Variants in GRIK1 observed in about 807,000 individuals in gnomAD.
GRIK1 encodes glutamate ionotropic receptor kainate type subunit 1.
Under a neutral mutation model 105.7 loss-of-function variants are expected in GRIK1, and 69 were observed. The observed-to-expected ratio is 0.65, with a 90% CI of 0.54 to 0.80. The LOEUF (loss-of-function observed/expected upper bound fraction) is 0.80. Among genes scored for constraint, GRIK1 ranks in the 30% least tolerant of loss-of-function variants. GRIK1 has a pLI of 0.00. For missense variants in GRIK1, 1,109 were observed against 1,167.3 expected (o/e 0.95, Z 0.73); for synonymous variants, 438 against 431.3 (o/e 1.02, Z -0.19).
intron 1 of GRIK1, among the ~76,000 whole-genome samples, chr21:29,718,488 C>T (rs1050182637): frequency 3.9e-5 from 6 of 152,118 alleles, no homozygotes; most frequent in African/African-American, 1.4e-4. Context: ...AAGGTATGAA[C>T]CAGATTTGCT....
chr21:29,537,676 C>T (rs2089902047), intron 17 of GRIK1, 122 bp downstream of exon 17: 3 of 770,406 alleles, frequency 3.9e-6, no homozygotes, highest in South Asian at 1.4e-5. Context: ...AGATAACTTA[C>T]CTTTGCTGAG....
chr21:29,833,437 C>A (rs2067697543), intron 1 of GRIK1, among the ~76,000 whole-genome samples: 1 of 152,040 alleles, frequency 6.6e-6, no homozygotes, highest in South Asian at 2.1e-4. Context: ...ACTGGGTAAC[C>A]TATAAAGAAA....
chr21:29,886,088 A>G (rs546559510), intron 1 of GRIK1, among the ~76,000 whole-genome samples: 2 of 152,244 alleles, frequency 1.3e-5, no homozygotes, highest in South Asian at 2.1e-4. Context: ...AAAATGCTCA[A>G]TAAACAAGGC....
intron 1 of GRIK1, among the ~76,000 whole-genome samples, chr21:29,885,584 G>A (rs927217880): frequency 1.3e-5 from 2 of 152,062 alleles, no homozygotes; most frequent in Non-Finnish European, 2.9e-5. Context: ...AAACATTAAT[G>A]AAAAGGTAGA....
rs114536516 is a variant in GRIK1, at chr21:29,640,597, C to T, written c.1098+2229G>A. On this transcript the variant is annotated intron_variant, in intron 7 of 17. Coordinates refer to ENST00000327783, the MANE Select transcript of GRIK1 (RefSeq NM_001330994.2). ...TTCAGTGTGGTCCCTCATCTTGGAG[C>T]TCATTATTTCTTTAAATATGCCTAA... Among the ~76,000 whole-genome samples the T allele has an allele frequency of 3.2e-3, 491 of 152,176 alleles. 4 individuals are homozygous for T. The highest frequency in any genetic ancestry group is 0.011 in the African/African-American group (472 of 41,496).
At chr21:29,731,826 G>A (rs2064633692) in intron 1 of GRIK1, among the ~76,000 whole-genome samples, 1 of 151,912 alleles carries the variant, frequency 6.6e-6, no homozygotes. Flanking sequence ...ATTTCTTTGG[G>A]GCATTGTCCC....
chr21:29,724,841 G>A (rs182316688), intron 1 of GRIK1, among the ~76,000 whole-genome samples: 211 of 152,042 alleles, frequency 1.4e-3, no homozygotes, highest in African/African-American at 4.7e-3. Context: ...TTTTCTTAGC[G>A]TATGTTTTAT....
intron 1 of GRIK1, among the ~76,000 whole-genome samples, chr21:29,781,653 G>GTT (rs2066103707): frequency 1.0e-5 from 1 of 96,184 alleles, no homozygotes; most frequent in African/African-American, 3.7e-5. Flanking sequence ...CTAACCTACT[G>GTT]TTTCTTTTTT....
At chr21:29,560,489 T>C (rs1740684214) in intron 15 of GRIK1, among the ~76,000 whole-genome samples, 1 of 55,522 alleles carries the variant, frequency 1.8e-5, no homozygotes. Context: ...CTCCCTTTCT[T>C]TCTTTCTTTC....
At chr21:29,767,538 T>TA (rs1166013723) in intron 1 of GRIK1, among the ~76,000 whole-genome samples, 1 of 152,030 alleles carries the variant, frequency 6.6e-6, no homozygotes, top group Non-Finnish European at 1.5e-5. Flanking sequence ...AACTGCAATA[T>TA]AAAAATATTC....
intron 1 of GRIK1, among the ~76,000 whole-genome samples, chr21:29,765,714 T>C (rs1360500516): frequency 6.6e-6 from 1 of 152,104 alleles, no homozygotes; most frequent in African/African-American, 2.4e-5. Flanking sequence ...AATCCCTCCC[T>C]CTGACAAATA....
At chr21:29,693,837 G>A (rs2063633376) in intron 2 of GRIK1, 59 bp downstream of exon 2, 13 of 1,277,112 alleles carry the variant, frequency 1.0e-5, no homozygotes, top group Non-Finnish European at 1.5e-5. Context: ...CAAAAAGAAG[G>A]TGACTTGGAG....
At position 29,581,529 on chromosome 21, in the gene GRIK1, T is replaced by C. The variant is rs1385178717; in HGVS notation, c.1808A>G (p.Glu603Gly). The C allele has an allele frequency of 6.3e-7, 1 of 1,591,092 alleles. No homozygotes were observed. Among genetic ancestry groups the C allele is most frequent in the South Asian group, 1.1e-5 (1 of 90,604 alleles). Residue 603 changes from glutamate (E) to glycine (G), a missense_variant, in exon 13 of 18, where the codon GAG becomes GGG. Glu to Gly is a moderately conservative substitution (Grantham distance 98). This residue lies in a region of GRIK1 where 264 missense variants were observed against 306.9 expected (regional missense o/e 0.86). Transcript: ENST00000327783. ...GTTGCATGGGTGGGGGTTATACCAC[T>C]CGTAGGGTGTAAACCTGTGGTAGTT... ...LFVIARFTPY[E>G]WYNPHPCNPD...
chr21:29,764,394 T>G (rs2065606279), intron 1 of GRIK1, among the ~76,000 whole-genome samples: 1 of 152,228 alleles, frequency 6.6e-6, no homozygotes, highest in South Asian at 2.1e-4. Context: ...ATACAGATGC[T>G]GGGACTGTCT....
At chr21:29,644,790 A>G (rs2062584864) in intron 6 of GRIK1, among the ~76,000 whole-genome samples, 1 of 152,246 alleles carries the variant, frequency 6.6e-6, no homozygotes, top group Non-Finnish European at 1.5e-5. Context: ...CTACTGGCAG[A>G]TTGAGACTTT....
At chr21:29,808,570 A>T (rs1241990234) in intron 1 of GRIK1, among the ~76,000 whole-genome samples, 1 of 152,202 alleles carries the variant, frequency 6.6e-6, no homozygotes, top group African/African-American at 2.4e-5. Flanking sequence ...TTTATATTAC[A>T]GATGAATAAG....
chr21:29,613,285 G>T (rs2061770412), intron 7 of GRIK1, among the ~76,000 whole-genome samples: 1 of 152,056 alleles, frequency 6.6e-6, no homozygotes, highest in Admixed American at 6.5e-5. Flanking sequence ...CTTTTATGCT[G>T]CTTGTCAGTG....
intron 8 of GRIK1, 72 bp downstream of exon 8, chr21:29,598,758 C>T (rs1469663164): frequency 8.7e-6 from 6 of 689,336 alleles, no homozygotes; most frequent in Non-Finnish European, 1.5e-5. Flanking sequence ...ACCTACTTGT[C>T]TTTGCAATTT....
At chr21:29,873,869 A>AT (rs1366774726) in intron 1 of GRIK1, among the ~76,000 whole-genome samples, 2 of 152,026 alleles carry the variant, frequency 1.3e-5, no homozygotes, top group Non-Finnish European at 2.9e-5. Flanking sequence ...GTGGAAGACA[A>AT]TTTTTCCACG....
Sources: allele counts gnomAD v4.1 joint callset (sites outside exome capture counted in the v4.1 genomes callset), GRCh38; gene constraint gnomAD v4.1.1; regional missense constraint gnomAD v4.1.1; transcripts MANE v1.5; gene names NCBI Gene and HGNC (gene_info 2026-07-23, HGNC 2026-07-21).